SLC24A3: variants seen among roughly 807,000 people sequenced by gnomAD.
SLC24A3 encodes the protein sodium/potassium/calcium exchanger 3.
Under a neutral mutation model 75.8 loss-of-function variants are expected in SLC24A3, and 28 were observed. The observed-to-expected ratio is 0.37, with a 90% CI of 0.27 to 0.51. SLC24A3 has a LOEUF of 0.51. SLC24A3 is among the 20% of genes least tolerant of loss of function. The probability of loss-of-function intolerance (pLI) is 0.94; values close to 1 mark genes in which losing one functional copy is unlikely to be tolerated. For synonymous variants in SLC24A3, 372 were observed against 334.1 expected, an observed-to-expected ratio of 1.11 and a Z score of -1.24; for missense variants, 663 against 847.8, an observed-to-expected ratio of 0.78 and a Z score of 2.71.
intron 2 of SLC24A3, among the ~76,000 whole-genome samples, chr20:19,281,490 G>A (rs549168807): frequency 6.6e-6 from 1 of 152,218 alleles, no homozygotes; most frequent in East Asian, 1.9e-4. Flanking sequence ...GAGACACAGG[G>A]ATTGGGCCGG....
At chr20:19,359,176 A>T (rs143692651) in intron 2 of SLC24A3, among the ~76,000 whole-genome samples, 1 of 152,044 alleles carries the variant, frequency 6.6e-6, no homozygotes, top group African/African-American at 2.4e-5. Flanking sequence ...TTTATGATTG[A>T]TTTGTTGAGG....
intron 2 of SLC24A3, among the ~76,000 whole-genome samples, chr20:19,294,840 T>G (rs985993799): frequency 1.3e-5 from 2 of 152,228 alleles, no homozygotes; most frequent in Non-Finnish European, 2.9e-5. Flanking sequence ...TTTCTGTTTT[T>G]AGGTCTTTGA....
At chr20:19,622,480 G>A (rs985244172) in intron 6 of SLC24A3, among the ~76,000 whole-genome samples, 2 of 152,160 alleles carry the variant, frequency 1.3e-5, no homozygotes, top group Non-Finnish European at 2.9e-5. Flanking sequence ...TTTCTGATCA[G>A]AAAGAGCTGA....
chr20:19,333,043 G>A (rs1337484941), intron 2 of SLC24A3, among the ~76,000 whole-genome samples: 1 of 152,166 alleles, frequency 6.6e-6, no homozygotes, highest in Admixed American at 6.5e-5. Context: ...TTTTGTTGTG[G>A]GATCATCCTG....
intron 15 of SLC24A3, among the ~76,000 whole-genome samples, chr20:19,709,349 G>T (rs537417414): frequency 1.4e-4 from 21 of 152,174 alleles, no homozygotes; most frequent in Non-Finnish European, 2.8e-4. Flanking sequence ...GAGATGGGGG[G>T]ATGTGGGTGA....
In SLC24A3 at chr20:19,436,040, C is replaced by A. The variant is rs1239464341; in HGVS notation, c.272-79448C>A. Among the ~76,000 whole-genome samples the A allele has an allele frequency of 3.9e-5, 6 of 152,154 alleles. No individual in the cohort carries two copies. The East Asian group carries it at 1.2e-3, about 29-fold the overall frequency. On this transcript the variant is annotated intron_variant, in intron 2 of 16. Transcript: ENST00000328041. ...GACTGGTTTAAGATCTTCCTCAGTT[C>A]AAATGCAAATAGTGGAGATAATAAT...
chr20:19,342,054 A>C (rs908476632), intron 2 of SLC24A3, among the ~76,000 whole-genome samples: 3 of 152,262 alleles, frequency 2.0e-5, no homozygotes, highest in Non-Finnish European at 4.4e-5. Context: ...TTGAAATGTC[A>C]GTTTGCATTA....
chr20:19,396,343 A>T (rs1279957998), intron 2 of SLC24A3, among the ~76,000 whole-genome samples: 2 of 152,248 alleles, frequency 1.3e-5, no homozygotes, highest in Non-Finnish European at 2.9e-5. Flanking sequence ...AAAAATGAAC[A>T]GGTAAACTTG....
intron 2 of SLC24A3, among the ~76,000 whole-genome samples, chr20:19,368,101 A>AGTGT (rs111902133): frequency 6.6e-5 from 10 of 150,954 alleles, no homozygotes; most frequent in African/African-American, 1.7e-4. Context: ...TATGAATGTG[A>AGTGT]GTGTGTGTGT....
chr20:19,241,014 G>A (rs1001770552), intron 1 of SLC24A3, among the ~76,000 whole-genome samples: 2 of 152,154 alleles, frequency 1.3e-5, no homozygotes, highest in African/African-American at 4.8e-5. Context: ...GGCTGGCCAC[G>A]GGCTACCACC....
intron 9 of SLC24A3, among the ~76,000 whole-genome samples, chr20:19,676,641 A>G (rs2122732452): frequency 6.6e-6 from 1 of 152,380 alleles, no homozygotes; most frequent in South Asian, 2.1e-4. Flanking sequence ...AGCATATATT[A>G]GAATCGTCAG....
At chr20:19,715,963 G>C (rs1319271509) in intron 15 of SLC24A3, among the ~76,000 whole-genome samples, 1 of 152,206 alleles carries the variant, frequency 6.6e-6, no homozygotes, top group Non-Finnish European at 1.5e-5. Context: ...TGAATGTCAA[G>C]ATCCCTTCCA....
chr20:19,693,453 T>C, intron 13 of SLC24A3, 28 bp downstream of exon 13: 1 of 1,610,044 alleles, frequency 6.2e-7, no homozygotes, highest in Non-Finnish European at 8.5e-7. Flanking sequence ...CCCATGGCAC[T>C]GTTAAATCTC....
At chr20:19,602,562 C>G (rs1368679675) in intron 6 of SLC24A3, among the ~76,000 whole-genome samples, 3 of 152,190 alleles carry the variant, frequency 2.0e-5, no homozygotes, top group Non-Finnish European at 4.4e-5. Context: ...ATCCAAACTT[C>G]CAACCCAGGT....
At chr20:19,685,071 G>T in intron 11 of SLC24A3, 29 bp from the exon 12 acceptor site, 1 of 1,575,930 alleles carries the variant, frequency 6.3e-7, no homozygotes. Flanking sequence ...CCCTCTGACC[G>T]TGGTAAGAGT....
chr20:19,401,119 G>T (rs1986544914), intron 2 of SLC24A3, among the ~76,000 whole-genome samples: 1 of 152,108 alleles, frequency 6.6e-6, no homozygotes, highest in South Asian at 2.1e-4. Flanking sequence ...AATGACTGAG[G>T]TCCAAAAGAG....
In SLC24A3 at chr20:19,382,118, G is replaced by A. The variant is rs138393460; in HGVS notation, c.271+101031G>A. On this transcript the variant is annotated intron_variant, in intron 2 of 16. Transcript: ENST00000328041. The stretch of plus-strand genomic sequence containing the variant: ...GCTGGGGACTAGGAAGCATTCTTCA[G>A]GGTGTCAGCGTCTTGATAAACATGT... Among the ~76,000 whole-genome samples the A allele has an allele frequency of 1.1e-4, 16 of 152,334 alleles. No individual in the cohort carries two copies. The East Asian group carries it at 2.9e-3, about 28-fold the overall frequency.
chr20:19,287,213 A>G (rs150015872), intron 2 of SLC24A3, among the ~76,000 whole-genome samples: 1 of 152,330 alleles, frequency 6.6e-6, no homozygotes, highest in Non-Finnish European at 1.5e-5. Context: ...AGAACCTTCT[A>G]TCTTTAGGCC....
chr20:19,337,107 A>G (rs1362841886), intron 2 of SLC24A3, among the ~76,000 whole-genome samples: 3 of 152,168 alleles, frequency 2.0e-5, no homozygotes, highest in African/African-American at 4.8e-5. Context: ...ATTAAATTAC[A>G]AAGGGACTAA....
Sources: gnomAD v4.1 joint callset for allele counts (sites outside exome capture counted in the v4.1 genomes callset) on GRCh38, gnomAD v4.1.1 for gene constraint, MANE v1.5 for transcripts, NCBI Gene and HGNC (gene_info 2026-07-23, HGNC 2026-07-21) for gene names.